The following CNTN5 variants were observed in gnomAD, a reference collection of about 807,000 sequenced individuals.
The protein encoded by CNTN5 is contactin-5.
A neutral mutation model predicts 129.1 loss-of-function variants in CNTN5; 77 were observed. The ratio of observed to expected loss-of-function variants is 0.60; its 90% CI spans 0.50 to 0.72. The LOEUF is 0.72. CNTN5 is among the 30% of genes least tolerant of loss of function. CNTN5 has a pLI of 0.00. For synonymous variants in CNTN5, 509 were observed against 465.6 expected (o/e 1.09, Z -1.20); for missense variants, 1,478 against 1,328.8 (o/e 1.11, Z -1.75).
chr11:99,610,394 C>G (rs2135728149), intron 3 of CNTN5, among the ~76,000 whole-genome samples: 1 of 152,106 alleles, frequency 6.6e-6, no homozygotes, highest in South Asian at 2.1e-4. Flanking sequence ...AGGACCAGGA[C>G]TAGACATAAC....
Position 99,646,809 on chromosome 11 carries a change from T to TAA in CNTN5, c.55+90557_55+90558dup, listed in dbSNP as rs5794011. 3.5e-3 allele frequency among the ~76,000 whole-genome samples: 466 copies of TAA among 131,790 alleles called. 6 individuals are homozygous for TAA. The highest frequency in any genetic ancestry group is 0.013 in the African/African-American group (449 of 35,678). 86.5% of individuals were successfully genotyped at this position (131,790 alleles called of 152,430 possible). A position where few individuals can be genotyped will look rare whatever the true frequency, so the allele number is the denominator to read the frequency against. ...GAAGCACTTCATCAATGTCAATTCTTAAAAAAAAAAAAAAAAAAGGAAAAA... is the reference window on the plus strand; with the variant it reads ...GAAGCACTTCATCAATGTCAATTCTTAAAAAAAAAAAAAAAAAAAAGGAAAAA... On this transcript the variant is annotated intron_variant, in intron 3 of 24. Transcript: ENST00000524871.
In CNTN5 at chr11:100,102,115, G is replaced by A. The variant is rs539140385; in HGVS notation, c.1580+27821G>A. On this transcript the variant is annotated intron_variant, in intron 13 of 24. Coordinates refer to ENST00000524871, the MANE Select transcript of CNTN5 (RefSeq NM_014361.4). ...CAGTAGTAGGATTGCTGAATTGAAC[G>A]GTAGTTCTACTTTTAGTTCTTTAAG... 1.1e-4 allele frequency among the ~76,000 whole-genome samples: 16 copies of A among 152,132 alleles called. No homozygotes were observed. In the South Asian group the frequency reaches 2.7e-3, roughly 26 times the overall value.
chr11:99,950,707 C>G (rs1391549569), intron 7 of CNTN5, among the ~76,000 whole-genome samples: 4 of 152,264 alleles, frequency 2.6e-5, no homozygotes, highest in South Asian at 4.1e-4. Flanking sequence ...GCCAATAGCT[C>G]CCCTATTGAG....
chr11:99,511,860 A>T (rs1222748703), intron 2 of CNTN5, among the ~76,000 whole-genome samples: 1 of 151,764 alleles, frequency 6.6e-6, no homozygotes, highest in Non-Finnish European at 1.5e-5. Flanking sequence ...ATAATTTTGA[A>T]TATGTAGTTG....
chr11:100,098,528 T>G (rs1277547169), intron 13 of CNTN5, among the ~76,000 whole-genome samples: 1 of 152,098 alleles, frequency 6.6e-6, no homozygotes, highest in Admixed American at 6.6e-5. Context: ...TTCCAACCAT[T>G]GTCCTTACAG....
At chr11:100,297,521 AT>A (rs1414617027) in intron 18 of CNTN5, 103 bp from the exon 19 acceptor site, 1 of 809,422 alleles carries the variant, frequency 1.2e-6, no homozygotes, top group Non-Finnish European at 2.1e-6. Context: ...AATCTTTAAT[AT>A]GACCATTCTG....
chr11:99,826,859 TA>T (rs1946975604), intron 4 of CNTN5, among the ~76,000 whole-genome samples: 1 of 151,978 alleles, frequency 6.6e-6, no homozygotes, highest in Non-Finnish European at 1.5e-5. Context: ...AGATTTAAAA[TA>T]ATAATAAAGT....
chr11:99,323,798 T>G (rs1865668760), intron 1 of CNTN5, among the ~76,000 whole-genome samples: 1 of 152,160 alleles, frequency 6.6e-6, no homozygotes, highest in Admixed American at 6.6e-5. Context: ...CTTTTTTAGT[T>G]TTTAATTTTG....
At position 99,583,062 on chromosome 11, in the gene CNTN5, G is replaced by C. The variant is rs1372012383; in HGVS notation, c.55+26793G>C. ...CTAACAGTCAGGACTCTCAGCTTCA[G>C]GTCTGTTGGAGTTTACTGGAGGTCC... On this transcript the variant is annotated intron_variant, in intron 3 of 24. Transcript: ENST00000524871. Among the ~76,000 whole-genome samples, 3 of 152,320 alleles carry C rather than the reference G, an allele frequency of 2.0e-5. No homozygotes were observed. The East Asian group carries it at 5.8e-4, about 29-fold the overall frequency.
intron 1 of CNTN5, among the ~76,000 whole-genome samples, chr11:99,277,501 A>G (rs1863495841): frequency 6.6e-6 from 1 of 151,728 alleles, no homozygotes; most frequent in Non-Finnish European, 1.5e-5. Flanking sequence ...TGTAAAGACC[A>G]GTGACAGCTT....
chr11:99,450,566 C>G lies in CNTN5; in HGVS notation c.-70-105579C>G, dbSNP rs185597459. Among the ~76,000 whole-genome samples the G allele has an allele frequency of 1.3e-4, 20 of 152,118 alleles. 1 individual carries two copies. Among genetic ancestry groups the G allele is most frequent in the Admixed American group, 1.3e-3 (20 of 15,254 alleles). ...AAAGAAAACAAAGTTTAAATGTGTT[C>G]AGTCATTTGCCTGAGGCCACCCCAC... On this transcript the variant is annotated intron_variant, in intron 2 of 24. Coordinates refer to ENST00000524871, the MANE Select transcript of CNTN5 (RefSeq NM_014361.4).
chr11:100,241,304 G>T (rs566892589), intron 16 of CNTN5, among the ~76,000 whole-genome samples: 1 of 152,178 alleles, frequency 6.6e-6, no homozygotes, highest in East Asian at 1.9e-4. Context: ...TTTTATAGTG[G>T]ACTATATAAA....
intron 2 of CNTN5, among the ~76,000 whole-genome samples, chr11:99,342,946 A>T (rs1018346325): frequency 5.3e-5 from 8 of 152,188 alleles, no homozygotes; most frequent in Non-Finnish European, 1.0e-4. Context: ...TCAGATTAAA[A>T]AAAACTGAGA....
At chr11:99,982,343 A>G (rs1422842660) in intron 8 of CNTN5, among the ~76,000 whole-genome samples, 2 of 152,214 alleles carry the variant, frequency 1.3e-5, no homozygotes, top group Admixed American at 6.5e-5. Flanking sequence ...AGAAAAATAA[A>G]TGATAAAAAT....
Position 100,142,388 on chromosome 11 carries a change from T to A in CNTN5, c.1581-48738T>A, listed in dbSNP as rs899846393. On this transcript the variant is annotated intron_variant, in intron 13 of 24. Transcript: ENST00000524871. ...ATCTTTCTCTCCTGTTGGTTCTTTG[T>A]CTCTGGAGAACTCTGACTAATACAT... Among the ~76,000 whole-genome samples, 5 of 152,294 alleles carry A rather than the reference T, an allele frequency of 3.3e-5. No homozygotes were observed. The South Asian group carries it at 1.0e-3, about 32-fold the overall frequency.
At chr11:99,296,310 A>T (rs1864390199) in intron 1 of CNTN5, among the ~76,000 whole-genome samples, 1 of 152,168 alleles carries the variant, frequency 6.6e-6, no homozygotes, top group Non-Finnish European at 1.5e-5. Flanking sequence ...CAAGGTTCAA[A>T]GCTAACAAAT....
intron 3 of CNTN5, among the ~76,000 whole-genome samples, chr11:99,706,623 C>T (rs921921167): frequency 4.0e-5 from 6 of 151,280 alleles, no homozygotes; most frequent in African/African-American, 1.2e-4. Context: ...TATGTGGTGT[C>T]GTCAGAAACT....
At chr11:99,863,709 G>C (rs753512557) in intron 6 of CNTN5, among the ~76,000 whole-genome samples, 3 of 152,194 alleles carry the variant, frequency 2.0e-5, no homozygotes, top group Non-Finnish European at 2.9e-5. Flanking sequence ...AAAATTTATA[G>C]CTACTATTGC....
chr11:99,968,674 T>G (rs1951164250), intron 8 of CNTN5, among the ~76,000 whole-genome samples: 1 of 139,356 alleles, frequency 7.2e-6, no homozygotes, highest in African/African-American at 2.7e-5. Flanking sequence ...TTTTTTTTTT[T>G]TTTTTTTTTT....
Sources: allele counts gnomAD v4.1 joint callset (sites outside exome capture counted in the v4.1 genomes callset), GRCh38; gene constraint gnomAD v4.1.1; transcripts MANE v1.5; gene names NCBI Gene and HGNC (gene_info 2026-07-23, HGNC 2026-07-21).